Variants in RAP1GAP2 observed in about 807,000 individuals in gnomAD.
RAP1GAP2 encodes the protein rap1 GTPase-activating protein 2.
A neutral mutation model predicts 95.0 loss-of-function variants in RAP1GAP2; 27 were observed. The ratio of observed to expected loss-of-function variants is 0.28; its 90% CI spans 0.21 to 0.39. The LOEUF (loss-of-function observed/expected upper bound fraction) is 0.39. Among genes scored for constraint, RAP1GAP2 ranks in the 10% least tolerant of loss-of-function variants. The pLI, the probability that RAP1GAP2 is intolerant of heterozygous loss-of-function variation, is 1.00. For synonymous variants in RAP1GAP2, 373 were observed against 380.9 expected (o/e 0.98, Z 0.24); for missense variants, 771 against 970.0 (o/e 0.79, Z 2.72).
At chr17:2,922,782 A>C (rs1415820409) in intron 3 of RAP1GAP2, among the ~76,000 whole-genome samples, 1 of 151,802 alleles carries the variant, frequency 6.6e-6, no homozygotes, top group Non-Finnish European at 1.5e-5. Flanking sequence ...ATCCAGCCTT[A>C]AGGATGTGGC....
In RAP1GAP2 at chr17:2,929,778, C is replaced by T. The variant is rs185415796; in HGVS notation, c.165+24410C>T. Among the ~76,000 whole-genome samples the T allele has an allele frequency of 1.2e-3, 189 of 152,314 alleles. 2 individuals carry two copies. The highest frequency in any genetic ancestry group is 3.0e-3 in the Admixed American group (46 of 15,296). On this transcript the variant is annotated intron_variant, in intron 3 of 24. Transcript: ENST00000254695. ...GGTACACTGTTTTCCAGAGGCAGCCCTGATCCAGGCTGCCTGATAGTTCCA... is the reference window on the plus strand; with the variant it reads ...GGTACACTGTTTTCCAGAGGCAGCCTTGATCCAGGCTGCCTGATAGTTCCA...
chr17:2,880,196 G>T (rs2073235220), intron 2 of RAP1GAP2, among the ~76,000 whole-genome samples: 1 of 152,046 alleles, frequency 6.6e-6, no homozygotes, highest in Admixed American at 6.6e-5. Flanking sequence ...ACGAAGGCTT[G>T]GGGGGGATGG....
intron 3 of RAP1GAP2, among the ~76,000 whole-genome samples, chr17:2,918,943 A>G (rs1157764048): frequency 6.6e-6 from 1 of 152,188 alleles, no homozygotes; most frequent in African/African-American, 2.4e-5. Context: ...TATTCCTCCA[A>G]AAAACTTTGT....
chr17:2,782,000 A>G (rs1049511405), intron 1 of RAP1GAP2, among the ~76,000 whole-genome samples: 5 of 152,066 alleles, frequency 3.3e-5, no homozygotes, highest in African/African-American at 9.7e-5. Flanking sequence ...GTTCATGGGT[A>G]CTTTCTCTGG....
chr17:2,978,935 CAAATAAATAAATAAAT>C (rs554801919), intron 8 of RAP1GAP2, among the ~76,000 whole-genome samples: 4 of 102,116 alleles, frequency 3.9e-5, no homozygotes, highest in African/African-American at 1.5e-4. Context: ...AACTCTGTCT[CAAATAAATAAATAAAT>C]AAATAGGCAA....
At chr17:2,785,800 T>G (rs1186061697) in intron 1 of RAP1GAP2, among the ~76,000 whole-genome samples, 2 of 152,084 alleles carry the variant, frequency 1.3e-5, no homozygotes, top group African/African-American at 2.4e-5. Flanking sequence ...CCTGCTACAC[T>G]GTGACCTTGG....
Position 2,857,212 on chromosome 17 carries a change from G to A in RAP1GAP2, c.81-48072G>A, listed in dbSNP as rs915368514. On this transcript the variant is annotated intron_variant, in intron 2 of 24. Coordinates refer to ENST00000254695, the MANE Select transcript of RAP1GAP2 (RefSeq NM_015085.5). The surrounding 1 kb of genome is among the most constrained non-coding windows in gnomAD (Gnocchi z 4.0). ...CAGCACCTGTAATTGACAGGCTTGTGCAGATAACACTGTTGGCTCTTAGCC... is the reference window on the plus strand; with the variant it reads ...CAGCACCTGTAATTGACAGGCTTGTACAGATAACACTGTTGGCTCTTAGCC... 1.1e-4 allele frequency among the ~76,000 whole-genome samples: 16 copies of A among 152,216 alleles called. No individual in the cohort carries two copies. The highest frequency in any genetic ancestry group is 3.9e-4 in the African/African-American group (16 of 41,444).
chr17:2,823,968 A>G (rs1045880739), intron 2 of RAP1GAP2, among the ~76,000 whole-genome samples: 1 of 151,276 alleles, frequency 6.6e-6, no homozygotes, highest in Non-Finnish European at 1.5e-5. Context: ...CTAAAAATAT[A>G]AAAAATTAGC....
At chr17:2,760,632 C>T (rs1463965303) in intron 1 of RAP1GAP2, among the ~76,000 whole-genome samples, 3 of 151,106 alleles carry the variant, frequency 2.0e-5, no homozygotes, top group Non-Finnish European at 3.0e-5. Flanking sequence ...TGAGCCACCG[C>T]GCCTGGCCAA....
At chr17:2,883,410 A>G (rs1243672301) in intron 2 of RAP1GAP2, among the ~76,000 whole-genome samples, 1 of 151,524 alleles carries the variant, frequency 6.6e-6, no homozygotes, top group African/African-American at 2.4e-5. Flanking sequence ...TCTGGCTTCC[A>G]CTCCACGTGC....
At chr17:2,795,814 G>A (rs374926405), upstream of RAP1GAP2, among the ~76,000 whole-genome samples, 30 of 152,262 alleles carry the variant, frequency 2.0e-4, no homozygotes, top group East Asian at 2.1e-3. Context: ...GGATGTGCAC[G>A]GGAGCGTGTG....
chr17:2,902,541 G>T lies in RAP1GAP2; in HGVS notation c.81-2743G>T, dbSNP rs2042059762. 6.6e-6 allele frequency among the ~76,000 whole-genome samples: 1 copy of T among 152,102 alleles called. No individual in the cohort carries two copies. Among genetic ancestry groups the T allele is most frequent in the Non-Finnish European group, 1.5e-5 (1 of 68,018 alleles). ...GCCCAGTTCAGATGTTTTTGAGGGTGGCAGTCATGCCTTCTGCCCACCCTG... is the reference window on the plus strand; with the variant it reads ...GCCCAGTTCAGATGTTTTTGAGGGTTGCAGTCATGCCTTCTGCCCACCCTG... On this transcript the variant is annotated intron_variant, in intron 2 of 24. Coordinates refer to ENST00000254695, the MANE Select transcript of RAP1GAP2 (RefSeq NM_015085.5). This position sits in a 1 kb window ranked among gnomAD's most constrained non-coding sequence, Gnocchi z 4.1.
rs147043155 is a variant in RAP1GAP2, at chr17:2,807,989, T to G, written c.80+7439T>G. On this transcript the variant is annotated intron_variant, in intron 2 of 24. Coordinates refer to ENST00000254695, the MANE Select transcript of RAP1GAP2 (RefSeq NM_015085.5). ...GAGGCCTCGGGAAGTTCGCACTGTT[T>G]CCAGCGGGGAGGATCCTGGCCATTC... Among the ~76,000 whole-genome samples the G allele has an allele frequency of 2.6e-4, 39 of 152,316 alleles. No individual in the cohort carries two copies. In the East Asian group the frequency reaches 7.3e-3, roughly 29 times the overall value.
At chr17:2,881,843 C>T (rs566563175) in intron 2 of RAP1GAP2, among the ~76,000 whole-genome samples, 4 of 152,148 alleles carry the variant, frequency 2.6e-5, no homozygotes, top group East Asian at 3.9e-4. Flanking sequence ...GTTTTTGAGA[C>T]GGAGTCTCGC....
chr17:2,899,504 G>C (rs1398025864), intron 2 of RAP1GAP2, among the ~76,000 whole-genome samples: 4 of 146,472 alleles, frequency 2.7e-5, no homozygotes, highest in African/African-American at 1.0e-4. Context: ...AGCCACCACA[G>C]CCAGCCACTT....
intron 2 of RAP1GAP2, among the ~76,000 whole-genome samples, chr17:2,850,618 C>T (rs1778148898): frequency 1.3e-5 from 2 of 149,976 alleles, no homozygotes; most frequent in South Asian, 2.1e-4. Flanking sequence ...GGCATGGTGG[C>T]GGGCGCCTGT....
intron 2 of RAP1GAP2, among the ~76,000 whole-genome samples, chr17:2,842,595 G>A (rs1230273196): frequency 2.7e-5 from 4 of 150,704 alleles, no homozygotes; most frequent in Non-Finnish European, 5.9e-5. Context: ...AAATACAGTA[G>A]TTTTGGAGCC....
intron 2 of RAP1GAP2, among the ~76,000 whole-genome samples, chr17:2,828,563 C>G (rs560327094): frequency 2.6e-5 from 4 of 152,024 alleles, no homozygotes; most frequent in Non-Finnish European, 4.4e-5. Flanking sequence ...GAAGAGCCGG[C>G]GGGAAGAGCG....
intron 1 of RAP1GAP2, among the ~76,000 whole-genome samples, chr17:2,780,385 C>T (rs1008254429): frequency 1.9e-4 from 29 of 152,242 alleles, no homozygotes; most frequent in African/African-American, 4.8e-5. Flanking sequence ...CGGTGTCCAC[C>T]TGCCCCTCCC....
Sources: allele counts gnomAD v4.1 joint callset (sites outside exome capture counted in the v4.1 genomes callset), GRCh38; gene constraint gnomAD v4.1.1; non-coding constraint Gnocchi (gnomAD v3.1); transcripts MANE v1.5; gene names NCBI Gene and HGNC (gene_info 2026-07-23, HGNC 2026-07-21).